The following GABRG3 variants were observed in gnomAD, a reference collection of about 807,000 sequenced individuals.
The protein encoded by GABRG3 is gamma-aminobutyric acid type A receptor subunit gamma3, also known as gamma-aminobutyric acid receptor subunit gamma-3.
Under a neutral mutation model 48.8 loss-of-function variants are expected in GABRG3, and 25 were observed. The ratio of observed to expected loss-of-function variants is 0.51; its 90% CI spans 0.37 to 0.72. The LOEUF (loss-of-function observed/expected upper bound fraction) is 0.72, where lower values mean the gene tolerates loss of function less well. GABRG3 is among the 30% of genes least tolerant of loss of function. The pLI, the probability that GABRG3 is intolerant of heterozygous loss-of-function variation, is 0.00. For missense variants in GABRG3, 394 were observed against 577.9 expected, an observed-to-expected ratio of 0.68 and a Z score of 3.26; for synonymous variants, 227 against 217.6, an observed-to-expected ratio of 1.04 and a Z score of -0.38.
intron 5 of GABRG3, among the ~76,000 whole-genome samples, chr15:27,336,255 A>AAAAAAAAG (rs1566792049): frequency 6.7e-6 from 1 of 149,806 alleles, no homozygotes; most frequent in African/African-American, 2.5e-5. Context: ...GAAAGAAAGA[A>AAAAAAAAG]AAAGAAAGAA....
intron 3 of GABRG3, among the ~76,000 whole-genome samples, chr15:27,288,895 TCTC>T (rs1337759966): frequency 6.6e-6 from 1 of 152,186 alleles, no homozygotes; most frequent in African/African-American, 2.4e-5. Context: ...TTAGTTGTCT[TCTC>T]TGAAAGGCCT....
chr15:27,405,854 G>GGC (rs1555378547), intron 5 of GABRG3, among the ~76,000 whole-genome samples: 1 of 151,808 alleles, frequency 6.6e-6, no homozygotes, highest in East Asian at 1.9e-4. Flanking sequence ...TAGGACTGGG[G>GGC]GAGGGAATAT....
intron 5 of GABRG3, among the ~76,000 whole-genome samples, chr15:27,347,865 A>G (rs2140533315): frequency 6.6e-6 from 1 of 152,246 alleles, no homozygotes; most frequent in East Asian, 1.9e-4. Flanking sequence ...GTGACTCTCT[A>G]TTAACCTGCC....
chr15:27,364,403 T>C (rs1341217565), intron 5 of GABRG3: 2 of 152,482 alleles, frequency 1.3e-5, no homozygotes, highest in East Asian at 1.9e-4. Context: ...GGCACTCTTA[T>C]GTTGCCTGAT....
At chr15:27,274,440 G>A (rs2140475658) in intron 3 of GABRG3, among the ~76,000 whole-genome samples, 1 of 152,202 alleles carries the variant, frequency 6.6e-6, no homozygotes, top group East Asian at 1.9e-4. Context: ...GAAGTGGACA[G>A]GTACAAAGAG....
intron 3 of GABRG3, among the ~76,000 whole-genome samples, chr15:27,075,688 A>G (rs192068101): frequency 2.6e-4 from 40 of 152,352 alleles, no homozygotes; most frequent in African/African-American, 9.6e-4. Context: ...AATCCGTGTC[A>G]TAAGGCAATA....
At chr15:27,472,023 A>G (rs1401655874) in intron 5 of GABRG3, among the ~76,000 whole-genome samples, 3 of 152,348 alleles carry the variant, frequency 2.0e-5, no homozygotes, top group Non-Finnish European at 2.9e-5. Context: ...GTAATTCATA[A>G]TTAAACTTGG....
chr15:27,209,991 G>C (rs144144389), intron 3 of GABRG3, among the ~76,000 whole-genome samples: 212 of 152,320 alleles, frequency 1.4e-3, no homozygotes, highest in African/African-American at 4.8e-3. Flanking sequence ...GGCCCACCCT[G>C]ATGACCTCAT....
chr15:27,368,111 T>C (rs184602549), intron 5 of GABRG3, among the ~76,000 whole-genome samples: 59 of 152,244 alleles, frequency 3.9e-4, no homozygotes, highest in African/African-American at 1.3e-3. Flanking sequence ...CAGCTGTAGG[T>C]CTCATAGAGA....
intron 5 of GABRG3, among the ~76,000 whole-genome samples, chr15:27,436,649 G>T (rs1888620129): frequency 6.6e-6 from 1 of 152,170 alleles, no homozygotes; most frequent in African/African-American, 2.4e-5. Flanking sequence ...GGAAGAGTCT[G>T]AAGGAAAAAT....
At chr15:27,084,709 C>T (rs1038462133) in intron 3 of GABRG3, among the ~76,000 whole-genome samples, 1 of 152,152 alleles carries the variant, frequency 6.6e-6, no homozygotes, top group African/African-American at 2.4e-5. Flanking sequence ...GTAGGAAAAC[C>T]GTCCTCAGCC....
rs1020469854 is a variant in GABRG3 at position 27,301,239 on chromosome 15, C to A, written c.271-25570C>A. ...GTAATTATAGTTGAAAACTCCCAGA[C>A]TATATATAATTTAGTTTTGCTTTAT... On this transcript the variant is annotated intron_variant, in intron 3 of 9. Transcript: ENST00000615808. 2.0e-5 allele frequency among the ~76,000 whole-genome samples: 3 copies of A among 152,102 alleles called. 1 individual carries two copies. Among genetic ancestry groups the A allele is most frequent in the African/African-American group, 4.8e-5 (2 of 41,418 alleles).
intron 3 of GABRG3, among the ~76,000 whole-genome samples, chr15:27,216,839 C>T (rs1192999972): frequency 7.2e-6 from 1 of 138,212 alleles, no homozygotes; most frequent in Non-Finnish European, 1.5e-5. Flanking sequence ...AGGTTAGTTA[C>T]ATATGTATAC....
chr15:27,378,851 T>C (rs1020434053), intron 5 of GABRG3, among the ~76,000 whole-genome samples: 1 of 152,138 alleles, frequency 6.6e-6, no homozygotes. Flanking sequence ...TGTGAACAGA[T>C]TGGAGAGGGG....
chr15:27,105,647 CA>C lies in GABRG3; in HGVS notation c.270+78829del, dbSNP rs1897437334. On this transcript the variant is annotated intron_variant, in intron 3 of 9. Coordinates refer to ENST00000615808, the MANE Select transcript of GABRG3 (RefSeq NM_033223.5). Reference sequence around the variant, plus strand: ...AAAGCCAAAAGACAACAAAAGACAACAAATATTGGTGGGGGTATGGAGAAAA... The same window carrying C: ...AAAGCCAAAAGACAACAAAAGACAACAATATTGGTGGGGGTATGGAGAAAA... Among the ~76,000 whole-genome samples, 4 of 152,136 alleles carry C rather than the reference CA, an allele frequency of 2.6e-5. No homozygotes were observed. The South Asian group carries it at 8.3e-4, about 32-fold the overall frequency.
At chr15:27,421,762 A>G (rs1018156812) in intron 5 of GABRG3, among the ~76,000 whole-genome samples, 1 of 150,736 alleles carries the variant, frequency 6.6e-6, no homozygotes, top group South Asian at 2.1e-4. Context: ...GTGTTCTAAG[A>G]TATCCATGGG....
intron 3 of GABRG3, among the ~76,000 whole-genome samples, chr15:27,324,817 T>C (rs1267749164): frequency 6.6e-6 from 1 of 152,226 alleles, no homozygotes; most frequent in Non-Finnish European, 1.5e-5. Flanking sequence ...TCCAGGGCTT[T>C]ACTCTGAGCC....
At chr15:27,062,813 G>A (rs1301362479) in intron 3 of GABRG3, among the ~76,000 whole-genome samples, 1 of 152,160 alleles carries the variant, frequency 6.6e-6, no homozygotes, top group African/African-American at 2.4e-5. Context: ...AATTTTCACT[G>A]AACTGTAAAG....
intron 5 of GABRG3, among the ~76,000 whole-genome samples, chr15:27,434,309 A>G (rs1408063199): frequency 6.6e-6 from 1 of 152,200 alleles, no homozygotes; most frequent in Non-Finnish European, 1.5e-5. Flanking sequence ...TTTGTCAAAT[A>G]AAATTCTAAA....
Sources: allele counts gnomAD v4.1 joint callset (sites outside exome capture counted in the v4.1 genomes callset), GRCh38; gene constraint gnomAD v4.1.1; transcripts MANE v1.5; gene names NCBI Gene and HGNC (gene_info 2026-07-23, HGNC 2026-07-21).